EGFR: variants seen among roughly 807,000 people sequenced by gnomAD.
The protein encoded by EGFR is avian erythroblastic leukemia viral (v-erb-b) oncogene homolog.
A neutral mutation model predicts 143.0 loss-of-function variants in EGFR; 58 were observed. The ratio of observed to expected loss-of-function variants is 0.41; its 90% CI spans 0.33 to 0.50. EGFR has a LOEUF of 0.50. EGFR is among the 20% of genes least tolerant of loss of function. EGFR has a pLI of 0.39. For missense variants in EGFR, 1,307 were observed against 1,579.0 expected (o/e 0.83, Z 2.92); for synonymous variants, 613 against 594.4 (o/e 1.03, Z -0.45).
chr7:55,025,559 C>A (rs187854851), intron 1 of EGFR, among the ~76,000 whole-genome samples: 2 of 152,268 alleles, frequency 1.3e-5, no homozygotes, highest in Admixed American at 6.5e-5. Context: ...GCTTGAAGTG[C>A]TCAGATGGAG....
chr7:55,198,950 G>A (rs2128969099), intron 23 of EGFR, 87 bp downstream of exon 23: 2 of 1,549,800 alleles, frequency 1.3e-6, no homozygotes, highest in East Asian at 2.3e-5. Context: ...TGCATCCCTG[G>A]AGAAATGTCA....
Position 55,146,636 on chromosome 7 carries a change from A to G in EGFR, c.455A>G (p.Asn152Ser), listed in dbSNP as rs551591429. ...CTGCATGGCGCCGTGCGGTTCAGCA[A>G]CAACCCTGCCCTGTGCAACGTGGAG... Reference protein sequence around the residue: ...EILHGAVRFSNNPALCNVESI... With the variant: ...EILHGAVRFSSNPALCNVESI... The change falls in exon 4 of 28, where the codon AAC becomes AGC. Residue 152 changes from asparagine to serine, a missense_variant. By Grantham distance (46) the Asn-to-Ser change is conservative. Transcript: ENST00000275493. The G allele has an allele frequency of 1.2e-6, 2 of 1,614,056 alleles. No individual in the cohort carries two copies. The highest frequency in any genetic ancestry group is 1.3e-5 in the African/African-American group (1 of 75,050).
intron 1 of EGFR, among the ~76,000 whole-genome samples, chr7:55,042,863 A>T (rs1787977358): frequency 6.6e-6 from 1 of 152,198 alleles, no homozygotes; most frequent in Non-Finnish European, 1.5e-5. Context: ...TTAGCATTGC[A>T]AATGACTTCA....
intron 1 of EGFR, among the ~76,000 whole-genome samples, chr7:55,048,280 G>T (rs1308837044): frequency 6.6e-6 from 1 of 152,160 alleles, no homozygotes; most frequent in African/African-American, 2.4e-5. Flanking sequence ...CATATGTGTT[G>T]TGTGTACAGG....
chr7:55,202,267 T>C (rs563331475), intron 26 of EGFR, among the ~76,000 whole-genome samples: 2 of 152,350 alleles, frequency 1.3e-5, no homozygotes, highest in Non-Finnish European at 1.5e-5. Context: ...GGTGACCGTA[T>C]TGAAGAGCAC....
chr7:55,198,724 T>C lies in EGFR; in HGVS notation c.2709T>C (p.Thr903=), dbSNP rs1140475. 1,421,393 of 1,614,112 alleles carry C rather than the reference T, an allele frequency of 0.88. 626,480 individuals carry two copies. Among genetic ancestry groups the C allele is most frequent in the East Asian group, 0.94 (42,073 of 44,876 alleles). Reference sequence around the variant, plus strand: ...CTTGCTTCATCCTCTCAGGGGTGACTGTTTGGGAGTTGATGACCTTTGGAT... The same window carrying C: ...CTTGCTTCATCCTCTCAGGGGTGACCGTTTGGGAGTTGATGACCTTTGGAT... The part of the protein sequence containing the change: ...HQSDVWSYGV[T]VWELMTFGSK... The change falls in exon 23 of 28, where the codon ACT becomes ACC. Residue 903 remains threonine, a synonymous_variant. Transcript: ENST00000275493.
At chr7:55,185,448 A>T (rs530944072) in intron 20 of EGFR, among the ~76,000 whole-genome samples, 1 of 152,232 alleles carries the variant, frequency 6.6e-6, no homozygotes, top group South Asian at 2.1e-4. Context: ...AATAAATCAC[A>T]CGGCACAGTC....
intron 1 of EGFR, among the ~76,000 whole-genome samples, chr7:55,108,662 G>C (rs1584057531): frequency 1.3e-5 from 2 of 152,224 alleles, no homozygotes; most frequent in Admixed American, 6.5e-5. Context: ...TTGCAGGTAG[G>C]AGGGCCATCT....
intron 1 of EGFR, among the ~76,000 whole-genome samples, chr7:55,029,714 A>AT (rs1282129778): frequency 1.3e-5 from 2 of 151,998 alleles, no homozygotes; most frequent in Non-Finnish European, 1.5e-5. Flanking sequence ...GGCTTAACAT[A>AT]TTTTTTTCTG....
At chr7:55,065,295 G>T (rs1010843975) in intron 1 of EGFR, among the ~76,000 whole-genome samples, 1 of 152,198 alleles carries the variant, frequency 6.6e-6, no homozygotes, top group African/African-American at 2.4e-5. Flanking sequence ...GGTGGACGAG[G>T]AGTAAGCTTT....
chr7:55,192,801 A>G lies in EGFR; in HGVS notation c.2661A>G (p.Leu887=). The change falls in exon 22 of 28, where the codon TTA becomes TTG. Residue 887 remains leucine, a synonymous_variant. Transcript: ENST00000275493. The part of the protein sequence containing the change: ...PIKWMALESI[L]HRIYTHQSDV... ...AGTGGATGGCATTGGAATCAATTTT[A>G]CACAGAATCTATACCCACCAGAGTG... 6.2e-7 allele frequency: 1 copy of G among 1,614,212 alleles called. No homozygotes were observed. The highest frequency in any genetic ancestry group is 8.5e-7 in the Non-Finnish European group (1 of 1,180,042).
intron 1 of EGFR, among the ~76,000 whole-genome samples, chr7:55,026,396 A>G (rs576134314): frequency 2.0e-4 from 30 of 152,324 alleles, no homozygotes; most frequent in African/African-American, 7.0e-4. Flanking sequence ...TTTTATAACT[A>G]TAGGGTCTGG....
intron 1 of EGFR, chr7:55,109,883 G>A: frequency 1.0e-6 from 1 of 985,596 alleles, no homozygotes; most frequent in African/African-American, 1.7e-5. Flanking sequence ...CTGGGCTGCT[G>A]GCTGGTTGTG....
At chr7:55,165,606 G>A (rs1285847491) in intron 15 of EGFR, among the ~76,000 whole-genome samples, 169 bp downstream of exon 15, 1 of 152,184 alleles carries the variant, frequency 6.6e-6, no homozygotes, top group Admixed American at 6.5e-5. Flanking sequence ...TTGTGAGCAG[G>A]CCTCAGTGCA....
rs761844164 is a variant in EGFR, at chr7:55,155,907, G to C, written c.967G>C (p.Val323Leu). 1 of 1,614,030 alleles carries C rather than the reference G, an allele frequency of 6.2e-7. No individual in the cohort carries two copies. Among genetic ancestry groups the C allele is most frequent in the Non-Finnish European group, 8.5e-7 (1 of 1,180,020 alleles). ...CAGCTATGAGATGGAGGAAGACGGCGTCCGCAAGTGTAAGAAGTGCGAAGG... is the reference window on the plus strand; with the variant it reads ...CAGCTATGAGATGGAGGAAGACGGCCTCCGCAAGTGTAAGAAGTGCGAAGG... ...ADSYEMEEDG[V>L]RKCKKCEGPC... Residue 323 changes from valine to leucine, a missense_variant, in exon 8 of 28, where the codon GTC (valine) becomes CTC (leucine). Val to Leu is a conservative substitution (Grantham distance 32). Transcript: ENST00000275493.
rs1034097121 is a variant in EGFR at position 55,201,280 on chromosome 7, C to T, written c.3039C>T (p.Ala1013=). 3.1e-6 allele frequency: 5 copies of T among 1,613,968 alleles called. No individual in the cohort carries two copies. Among genetic ancestry groups the T allele is most frequent in the South Asian group, 1.1e-5 (1 of 91,082 alleles). ...DEEDMDDVVD[A]DEYLIPQQGF... ...AAGACATGGACGACGTGGTGGATGC[C>T]GACGAGTACCTCATCCCACAGCAGG... The change falls in exon 25 of 28, where the codon GCC becomes GCT. Residue 1013 remains alanine, a synonymous_variant. Coordinates refer to ENST00000275493, the MANE Select transcript of EGFR (RefSeq NM_005228.5).
chr7:55,135,958 GGAAAA>G (rs1268714746), intron 1 of EGFR, among the ~76,000 whole-genome samples: 10 of 151,736 alleles, frequency 6.6e-5, no homozygotes, highest in Non-Finnish European at 1.2e-4. Context: ...TGGTCACTAT[GGAAAA>G]CATAAAAACA....
chr7:55,152,762 T>C, intron 6 of EGFR, 98 bp downstream of exon 6: 2 of 1,000,062 alleles, frequency 2.0e-6, no homozygotes, highest in Non-Finnish European at 3.1e-6. Context: ...AGCTGTCAAT[T>C]AGCATTTGTC....
Position 55,163,878 on chromosome 7 carries a change from A to G in EGFR, c.1722+55A>G, listed in dbSNP as rs1785833560. ...ATTTCATGGGAAGGGCCTTCACAGA[A>G]GCCGAACAGTGATGATGGCCCAGGG... On this transcript the variant is annotated intron_variant, in intron 14 of 27. Transcript: ENST00000275493. 6 of 1,589,736 alleles carry G rather than the reference A, an allele frequency of 3.8e-6. No individual in the cohort carries two copies. The Admixed American group carries it at 6.7e-5, about 18-fold the overall frequency.
Sources: allele counts gnomAD v4.1 joint callset (sites outside exome capture counted in the v4.1 genomes callset), GRCh38; gene constraint gnomAD v4.1.1; transcripts MANE v1.5; gene names NCBI Gene and HGNC (gene_info 2026-07-23, HGNC 2026-07-21).